Variants in DPP10 observed in about 807,000 individuals in gnomAD.
DPP10 encodes dipeptidyl peptidase like 10, also known as inactive dipeptidyl peptidase 10.
Under a neutral mutation model 120.9 loss-of-function variants are expected in DPP10, and 33 were observed. The ratio of observed to expected loss-of-function variants is 0.27; its 90% confidence interval spans 0.21 to 0.37. The LOEUF (loss-of-function observed/expected upper bound fraction) is 0.37. Ranked by LOEUF, DPP10 falls within the 10% of genes least tolerant of loss-of-function variation. DPP10 has a pLI of 1.00. For missense variants in DPP10, 816 were observed against 942.8 expected (o/e 0.87, Z 1.76); for synonymous variants, 337 against 326.1 (o/e 1.03, Z -0.36).
At chr2:115,673,377 A>G (rs2090052433) in intron 5 of DPP10, among the ~76,000 whole-genome samples, 1 of 152,220 alleles carries the variant, frequency 6.6e-6, no homozygotes, top group South Asian at 2.1e-4. Context: ...AGGCTAAAAT[A>G]GAATATTATA....
chr2:114,657,768 C>CTATAATAT (rs1697074304), intron 1 of DPP10, among the ~76,000 whole-genome samples: 1 of 152,050 alleles, frequency 6.6e-6, no homozygotes, highest in African/African-American at 2.4e-5. Flanking sequence ...GAAATTTAAG[C>CTATAATAT]ACAAAAAATA....
intron 5 of DPP10, among the ~76,000 whole-genome samples, chr2:115,638,098 C>A (rs2086499303): frequency 6.6e-6 from 1 of 152,166 alleles, no homozygotes. Flanking sequence ...TAGAATTATG[C>A]ACTTTCATAT....
chr2:115,286,530 T>TATTACATATATA (rs1559366954), intron 1 of DPP10, among the ~76,000 whole-genome samples: 12 of 114,548 alleles, frequency 1.0e-4, no homozygotes, highest in African/African-American at 3.3e-4. Flanking sequence ...ATATATAATA[T>TATTACATATATA]ATATATATAT....
At chr2:115,579,467 G>C (rs972634954) in intron 5 of DPP10, 15 of 152,192 alleles carry the variant, frequency 9.9e-5, no homozygotes, top group African/African-American at 3.6e-4. Context: ...GGGTCTCTCT[G>C]TGGCCTAATG....
chr2:115,600,173 TGCCC>T (rs1302853446), intron 5 of DPP10, among the ~76,000 whole-genome samples: 2 of 152,162 alleles, frequency 1.3e-5, no homozygotes, highest in Admixed American at 1.3e-4. Flanking sequence ...TACGCTATGC[TGCCC>T]CAAGTTTTGA....
intron 1 of DPP10, among the ~76,000 whole-genome samples, chr2:114,458,635 T>A (rs1490703128): frequency 6.6e-6 from 1 of 152,216 alleles, no homozygotes; most frequent in Non-Finnish European, 1.5e-5. Flanking sequence ...AGGCAAGTTT[T>A]CAAAATCATC....
rs147746568 is a variant in DPP10 at position 115,084,911 on chromosome 2, G to A, written c.61-224328G>A. Reference sequence around the variant, plus strand: ...AAATGCATTAGCATTTCTAGGAAAAGGGCTTATTTTTATTCTTCTTGGTTA... The same window carrying A: ...AAATGCATTAGCATTTCTAGGAAAAAGGCTTATTTTTATTCTTCTTGGTTA... On this transcript the variant is annotated intron_variant, in intron 1 of 25. Transcript: ENST00000410059. Among the ~76,000 whole-genome samples, 23 of 152,328 alleles carry A rather than the reference G, an allele frequency of 1.5e-4. No individual in the cohort carries two copies. In the East Asian group the frequency reaches 4.2e-3, roughly 28 times the overall value.
intron 5 of DPP10, among the ~76,000 whole-genome samples, chr2:115,609,824 G>A (rs1233247313): frequency 3.3e-5 from 5 of 152,038 alleles, no homozygotes; most frequent in Admixed American, 2.6e-4. Flanking sequence ...ATAGTGAAAC[G>A]ACTGAAAACT....
At chr2:115,136,616 C>T (rs1013762747) in intron 1 of DPP10, among the ~76,000 whole-genome samples, 2 of 151,810 alleles carry the variant, frequency 1.3e-5, no homozygotes, top group Admixed American at 1.3e-4. Flanking sequence ...AGGGGAAATG[C>T]TTCTAACAAT....
chr2:114,881,453 G>GTCTA (rs767939067), intron 1 of DPP10, among the ~76,000 whole-genome samples: 195 of 44,922 alleles, frequency 4.3e-3, no homozygotes, highest in Admixed American at 8.7e-3. Context: ...CTGTCTGTCT[G>GTCTA]TCTGTCTATC....
chr2:115,485,697 T>G (rs2075736162), intron 3 of DPP10, among the ~76,000 whole-genome samples: 1 of 152,146 alleles, frequency 6.6e-6, no homozygotes, highest in African/African-American at 2.4e-5. Context: ...ATTATGCATT[T>G]GAAGAGTCAT....
chr2:115,264,827 T>G (rs1459539130), intron 1 of DPP10, among the ~76,000 whole-genome samples: 2 of 152,214 alleles, frequency 1.3e-5, no homozygotes, highest in East Asian at 3.9e-4. Context: ...TAAAGCTTTA[T>G]CTACATGATG....
intron 4 of DPP10, among the ~76,000 whole-genome samples, chr2:115,518,753 C>T (rs17453808): frequency 0.01 from 1,525 of 152,176 alleles, 17 homozygotes; most frequent in South Asian, 0.048. Flanking sequence ...TGGGCAGCTC[C>T]GGTCTACTCA....
At chr2:114,548,156 T>A (rs1558869509) in intron 1 of DPP10, among the ~76,000 whole-genome samples, 1 of 152,122 alleles carries the variant, frequency 6.6e-6, no homozygotes, top group Non-Finnish European at 1.5e-5. Flanking sequence ...GTAAAACCCT[T>A]TATAACTGGA....
At chr2:115,302,641 A>G (rs4629160) in intron 1 of DPP10, among the ~76,000 whole-genome samples, 113,541 of 151,814 alleles carry the variant, frequency 0.75, 42,811 homozygotes, top group Admixed American at 0.79. Context: ...TAAATAAAAC[A>G]AACAAAAAAG....
At chr2:115,083,973 C>T (rs533533898) in intron 1 of DPP10, among the ~76,000 whole-genome samples, 15 of 152,164 alleles carry the variant, frequency 9.9e-5, no homozygotes, top group Non-Finnish European at 1.9e-4. Context: ...CTATCACAAA[C>T]ACCTCTTCTA....
chr2:115,431,350 G>A (rs2070961861), intron 3 of DPP10, among the ~76,000 whole-genome samples: 3 of 152,170 alleles, frequency 2.0e-5, no homozygotes. Flanking sequence ...AGGACCGAGG[G>A]ATAAAATGTT....
intron 3 of DPP10, among the ~76,000 whole-genome samples, chr2:115,466,027 CACTATT>C (rs1414597218): frequency 6.6e-6 from 1 of 152,048 alleles, no homozygotes; most frequent in African/African-American, 2.4e-5. Flanking sequence ...TAAAAGAACT[CACTATT>C]ACTGTTTATG....
intron 1 of DPP10, among the ~76,000 whole-genome samples, chr2:114,567,948 A>C (rs544424432): frequency 6.6e-6 from 1 of 152,014 alleles, no homozygotes; most frequent in African/African-American, 2.4e-5. Context: ...TGATCGGTGC[A>C]GCAAACCACT....
Sources: allele counts gnomAD v4.1 joint callset (sites outside exome capture counted in the v4.1 genomes callset), GRCh38; gene constraint gnomAD v4.1.1; transcripts MANE v1.5; gene names NCBI Gene and HGNC (gene_info 2026-07-23, HGNC 2026-07-21).